RPF1: variants seen among roughly 807,000 people sequenced by gnomAD.
RPF1 encodes the protein ribosome production factor 1.
RPF1 carries 34 observed loss-of-function variants against 41.9 expected under a neutral mutation model. The observed-to-expected ratio is 0.81, with a 90% CI of 0.62 to 1.08. The LOEUF (loss-of-function observed/expected upper bound fraction) is 1.08. Ranked by LOEUF, RPF1 falls within the 50% of genes least tolerant of loss-of-function variation. The pLI is 0.00. For missense variants in RPF1, 425 were observed against 435.2 expected (o/e 0.98, Z 0.21); for synonymous variants, 140 against 148.9 (o/e 0.94, Z 0.43).
intron 3 of RPF1, among the ~76,000 whole-genome samples, chr1:84,484,002 A>T (rs903096269): frequency 6.6e-6 from 1 of 152,208 alleles, no homozygotes; most frequent in African/African-American, 2.4e-5. Flanking sequence ...CTACCCACCC[A>T]GAGCTTACAT....
chr1:84,489,756 G>A (rs563506950), intron 4 of RPF1, 28 bp downstream of exon 4: 1 of 1,254,776 alleles, frequency 8.0e-7, no homozygotes. Context: ...TTTAGTTCTT[G>A]AATTCTTAAT....
intron 3 of RPF1, among the ~76,000 whole-genome samples, chr1:84,484,126 G>A (rs1457707993): frequency 6.6e-6 from 1 of 152,242 alleles, no homozygotes; most frequent in Non-Finnish European, 1.5e-5. Context: ...ACTACCTGGA[G>A]TAGAGAGGGT....
At chr1:84,483,259 T>G (rs1681682647) in intron 3 of RPF1, 1 of 388,656 alleles carries the variant, frequency 2.6e-6, no homozygotes. Flanking sequence ...GAGGGTTTTG[T>G]TTTTGTTTTT....
intron 3 of RPF1, among the ~76,000 whole-genome samples, chr1:84,486,571 G>A (rs369136412): frequency 2.5e-4 from 33 of 134,552 alleles, no homozygotes; most frequent in Non-Finnish European, 4.6e-4. Flanking sequence ...ATGGGCGACA[G>A]AGCGAGACTC....
At chr1:84,486,587 CAAAAAAAAAA>C (rs896267195) in intron 3 of RPF1, among the ~76,000 whole-genome samples, 17 of 64,544 alleles carry the variant, frequency 2.6e-4, no homozygotes, top group African/African-American at 9.0e-4. Context: ...GACTCCGTCT[CAAAAAAAAAA>C]AAAAAAAAAA....
At chr1:84,491,304 T>G (rs1425025656) in intron 5 of RPF1, among the ~76,000 whole-genome samples, 1 of 152,226 alleles carries the variant, frequency 6.6e-6, no homozygotes, top group African/African-American at 2.4e-5. Context: ...CTTTATGATT[T>G]TTAATTTCAT....
At position 84,495,313 on chromosome 1, in the gene RPF1, T is replaced by G. The variant is rs938011562; in HGVS notation, c.617-60T>G. The G allele has an allele frequency of 2.7e-5, 22 of 826,222 alleles. No homozygotes were observed. In the Admixed American group the frequency reaches 5.3e-4, roughly 20 times the overall value. 51.2% of individuals were successfully genotyped at this position (826,222 alleles called of 1,614,324 possible). A position where few individuals can be genotyped will look rare whatever the true frequency, so the allele number is the denominator to read the frequency against. On this transcript the variant is annotated intron_variant, in intron 5 of 8. Transcript: ENST00000370654. ...GCCTTTGGATGTAGAGGACCAGTTA[T>G]TTAAACAATTAGATTTAGATTACAG...
chr1:84,493,350 A>G (rs1044709569), intron 5 of RPF1, among the ~76,000 whole-genome samples: 3 of 151,708 alleles, frequency 2.0e-5, no homozygotes, highest in African/African-American at 7.3e-5. Flanking sequence ...AAAAAAAAAA[A>G]AAGATCTGCC....
chr1:84,480,264 C>T (rs1681619666), intron 1 of RPF1, among the ~76,000 whole-genome samples: 1 of 152,000 alleles, frequency 6.6e-6, no homozygotes, highest in Non-Finnish European at 1.5e-5. Context: ...CTGGTATGCA[C>T]GTATTGGGGA....
In RPF1 at chr1:84,495,380, T is replaced by TAAAA; in HGVS notation, c.625_626insAAAA (p.Ile209LysfsTer15). 1 of 1,439,484 alleles carries TAAAA rather than the reference T, an allele frequency of 6.9e-7. No homozygotes were observed. Among genetic ancestry groups the TAAAA allele is most frequent in the East Asian group, 2.3e-5 (1 of 43,668 alleles). The allele number at this position is 1,439,484 out of a possible 1,614,324, so 89.2% of individuals were successfully genotyped here. On this transcript the variant is annotated frameshift_variant, in exon 6 of 9. Coordinates refer to ENST00000370654, the MANE Select transcript of RPF1 (RefSeq NM_025065.7). LOFTEE classifies it high-confidence loss of function. Reference sequence around the variant, plus strand: ...CTTAACTTTTATGAACAGATGGACTTATTTTGAGTCACTTGCCAAATGGCC... The same window carrying TAAAA: ...CTTAACTTTTATGAACAGATGGACTTAAAAATTTTGAGTCACTTGCCAAATGGCC...
At chr1:84,490,529 A>G in intron 5 of RPF1, 57 bp downstream of exon 5, 1 of 1,223,184 alleles carries the variant, frequency 8.2e-7, no homozygotes, top group Non-Finnish European at 1.1e-6. Flanking sequence ...CCCCTTAAAA[A>G]TATATTTAAA....
intron 3 of RPF1, among the ~76,000 whole-genome samples, chr1:84,483,648 T>TG (rs2101882812): frequency 6.6e-6 from 1 of 152,348 alleles, no homozygotes; most frequent in East Asian, 1.9e-4. Context: ...TAACATTTGA[T>TG]GCTATTTTTT....
chr1:84,484,338 T>G (rs1179881589), intron 3 of RPF1, among the ~76,000 whole-genome samples: 1 of 152,122 alleles, frequency 6.6e-6, no homozygotes, highest in Non-Finnish European at 1.5e-5. Context: ...ATGAGCACAG[T>G]TAGCAAAATC....
At chr1:84,489,219 T>C in intron 3 of RPF1, among the ~76,000 whole-genome samples, 1 of 152,200 alleles carries the variant, frequency 6.6e-6, no homozygotes, top group East Asian at 1.9e-4. Flanking sequence ...AGGTACTACT[T>C]TCATTAATGT....
chr1:84,485,401 A>G (rs1325116552), intron 3 of RPF1, among the ~76,000 whole-genome samples: 1 of 152,120 alleles, frequency 6.6e-6, no homozygotes, highest in Non-Finnish European at 1.5e-5. Context: ...ACCTGGCGTA[A>G]AGGTAACTTT....
chr1:84,483,995 C>A (rs78676745), intron 3 of RPF1, among the ~76,000 whole-genome samples: 8,208 of 152,162 alleles, frequency 0.054, 308 homozygotes, highest in Non-Finnish European at 0.077. Context: ...ACAACTTCTA[C>A]CCACCCAGAG....
At position 84,495,430 on chromosome 1, in the gene RPF1, G is replaced by A. The variant is rs752234373; in HGVS notation, c.674G>A (p.Ser225Asn). 3.4e-6 allele frequency: 5 copies of A among 1,490,024 alleles called. No homozygotes were observed. The highest frequency in any genetic ancestry group is 1.4e-5 in the African/African-American group (1 of 71,418). The allele number at this position is 1,490,024 out of a possible 1,614,324, so 92.3% of individuals were successfully genotyped here. A position where few individuals can be genotyped will look rare whatever the true frequency, so the allele number is the denominator to read the frequency against. The change falls in exon 6 of 9, where the codon AGT (serine) becomes AAT (asparagine). Residue 225 changes from serine to asparagine, a missense_variant. Physicochemically the swap from Ser to Asn is conservative, Grantham distance 46. Transcript: ENST00000370654. ...CCAACTGCTCATTTTAAAATGAGCA[G>A]TGTTCGTCTTCGTAAAGAAATTAAG... is the stretch of plus-strand genomic sequence containing the variant. Reference protein sequence around the residue: ...NGPTAHFKMSSVRLRKEIKRR... With the variant: ...NGPTAHFKMSNVRLRKEIKRR...
intron 1 of RPF1, among the ~76,000 whole-genome samples, chr1:84,479,879 A>T (rs1681611797): frequency 6.6e-6 from 1 of 152,222 alleles, no homozygotes; most frequent in African/African-American, 2.4e-5. Flanking sequence ...AGAATCTGAA[A>T]TGGAGGCAAT....
At chr1:84,479,531 CCG>C in intron 1 of RPF1, 22 bp downstream of exon 1, 1 of 1,609,472 alleles carries the variant, frequency 6.2e-7, no homozygotes, top group Non-Finnish European at 8.5e-7. Context: ...GCGGGGGCTG[CCG>C]GGCGCTTGCG....
Sources: allele counts gnomAD v4.1 joint callset (sites outside exome capture counted in the v4.1 genomes callset), GRCh38; gene constraint gnomAD v4.1.1; transcripts MANE v1.5; gene names NCBI Gene and HGNC (gene_info 2026-07-23, HGNC 2026-07-21).